FBXL17: variants seen among roughly 807,000 people sequenced by gnomAD.
The protein encoded by FBXL17 is F-box and leucine rich repeat protein 17, also known as F-box/LRR-repeat protein 17.
A neutral mutation model predicts 66.2 loss-of-function variants in FBXL17; 22 were observed. The ratio of observed to expected loss-of-function variants is 0.33; its 90% CI spans 0.24 to 0.47. The LOEUF is 0.47. Among genes scored for constraint, FBXL17 ranks in the 20% least tolerant of loss-of-function variants. FBXL17 has a pLI of 1.00. For synonymous variants in FBXL17, 474 were observed against 400.5 expected (o/e 1.18, Z -2.19); for missense variants, 878 against 948.2 (o/e 0.93, Z 0.97).
At chr5:107,976,381 G>C (rs1277339437) in intron 7 of FBXL17, among the ~76,000 whole-genome samples, 1 of 152,158 alleles carries the variant, frequency 6.6e-6, no homozygotes, top group African/African-American at 2.4e-5. Flanking sequence ...ATAATATTCA[G>C]TCAACAAAGA....
At chr5:108,337,708 TAA>T (rs70996991) in intron 4 of FBXL17, among the ~76,000 whole-genome samples, 30 of 142,314 alleles carry the variant, frequency 2.1e-4, no homozygotes, top group African/African-American at 7.5e-4. Context: ...GTACAAAAAG[TAA>T]AAAAAAAAAA....
chr5:108,126,671 A>C (rs1412702623), intron 6 of FBXL17, among the ~76,000 whole-genome samples: 19 of 125,084 alleles, frequency 1.5e-4, no homozygotes, highest in African/African-American at 2.4e-4. Context: ...ATACATATAT[A>C]TATATATATA....
chr5:107,913,867 A>G (rs1343616912), intron 7 of FBXL17, among the ~76,000 whole-genome samples: 1 of 152,148 alleles, frequency 6.6e-6, no homozygotes, highest in Non-Finnish European at 1.5e-5. Context: ...TGTGAAAAAC[A>G]GTACAAGAGC....
intron 8 of FBXL17, among the ~76,000 whole-genome samples, chr5:107,873,946 C>T (rs1381006335): frequency 6.6e-6 from 1 of 151,794 alleles, no homozygotes; most frequent in Non-Finnish European, 1.5e-5. Flanking sequence ...AATCCCATAA[C>T]AGAGGCCAGC....
At chr5:108,206,825 T>C (rs746520940) in intron 5 of FBXL17, among the ~76,000 whole-genome samples, 1 of 152,174 alleles carries the variant, frequency 6.6e-6, no homozygotes, top group Non-Finnish European at 1.5e-5. Flanking sequence ...AAAGCTGCTA[T>C]ATGGATCCAT....
intron 7 of FBXL17, among the ~76,000 whole-genome samples, chr5:107,884,504 AC>A (rs1748896104): frequency 6.6e-6 from 1 of 152,186 alleles, no homozygotes; most frequent in Non-Finnish European, 1.5e-5. Flanking sequence ...ATTTCTCTTT[AC>A]CACTCAGGTA....
chr5:108,012,971 A>G (rs1268280936), intron 7 of FBXL17, among the ~76,000 whole-genome samples: 2 of 145,570 alleles, frequency 1.4e-5, no homozygotes, highest in Non-Finnish European at 3.0e-5. Context: ...CCAAGATCGC[A>G]CCATTGCATT....
At chr5:107,941,126 A>G (rs939422682) in intron 7 of FBXL17, among the ~76,000 whole-genome samples, 8 of 152,078 alleles carry the variant, frequency 5.3e-5, no homozygotes, top group Admixed American at 5.2e-4. Context: ...TGAAAAAAAA[A>G]AAACCCCACA....
chr5:108,052,742 A>T (rs1747532968), intron 6 of FBXL17, among the ~76,000 whole-genome samples: 1 of 152,222 alleles, frequency 6.6e-6, no homozygotes, highest in South Asian at 2.1e-4. Flanking sequence ...TAGCCAAGAC[A>T]ATCCTAAGCA....
At chr5:108,330,725 C>A (rs913517383) in intron 4 of FBXL17, among the ~76,000 whole-genome samples, 1 of 152,032 alleles carries the variant, frequency 6.6e-6, no homozygotes, top group Non-Finnish European at 1.5e-5. Context: ...GGTACACACA[C>A]ATCATCACAC....
intron 7 of FBXL17, among the ~76,000 whole-genome samples, chr5:107,916,944 G>A (rs1750152242): frequency 6.6e-6 from 1 of 152,142 alleles, no homozygotes; most frequent in Non-Finnish European, 1.5e-5. Context: ...TATGATCAAA[G>A]GTGTATCGCT....
At chr5:108,291,078 C>T (rs1169051429) in intron 4 of FBXL17, among the ~76,000 whole-genome samples, 1 of 152,176 alleles carries the variant, frequency 6.6e-6, no homozygotes, top group East Asian at 1.9e-4. Context: ...AAAACCTACA[C>T]TCATGTATAT....
chr5:108,035,214 G>T, intron 6 of FBXL17, among the ~76,000 whole-genome samples: 1 of 152,124 alleles, frequency 6.6e-6, no homozygotes, highest in Non-Finnish European at 1.5e-5. Context: ...TTGCAAAGGA[G>T]AATAAATGCA....
At chr5:108,284,884 A>G (rs774049110) in intron 4 of FBXL17, among the ~76,000 whole-genome samples, 1 of 151,836 alleles carries the variant, frequency 6.6e-6, no homozygotes, top group Admixed American at 6.6e-5. Flanking sequence ...TGATGTATCA[A>G]TGAACTCTTC....
intron 6 of FBXL17, among the ~76,000 whole-genome samples, chr5:108,112,703 CAAG>C (rs914875846): frequency 1.3e-5 from 2 of 151,878 alleles, no homozygotes; most frequent in African/African-American, 2.4e-5. Flanking sequence ...TATTACTGCT[CAAG>C]AAGGAGAAGG....
At chr5:108,069,655 G>A (rs1748254647) in intron 6 of FBXL17, among the ~76,000 whole-genome samples, 1 of 152,146 alleles carries the variant, frequency 6.6e-6, no homozygotes, top group Admixed American at 6.5e-5. Context: ...AGGGAAGAAA[G>A]GAAAATTTTC....
intron 4 of FBXL17, among the ~76,000 whole-genome samples, chr5:108,257,474 G>C (rs1391940632): frequency 2.6e-5 from 4 of 152,158 alleles, no homozygotes; most frequent in Non-Finnish European, 5.9e-5. Context: ...GAACAAATGA[G>C]CGAGAGTCAT....
intron 7 of FBXL17, among the ~76,000 whole-genome samples, chr5:107,904,374 A>G (rs181668707): frequency 8.2e-4 from 124 of 152,118 alleles, no homozygotes; most frequent in Non-Finnish European, 1.0e-3. Flanking sequence ...CTCCAACCCC[A>G]CTGACTCTGC....
intron 5 of FBXL17, among the ~76,000 whole-genome samples, chr5:108,193,744 T>C (rs944652931): frequency 3.3e-5 from 5 of 152,106 alleles, no homozygotes; most frequent in African/African-American, 2.4e-5. Flanking sequence ...ACTATGAAAA[T>C]AGGACTTACA....
Sources: allele counts gnomAD v4.1 joint callset (sites outside exome capture counted in the v4.1 genomes callset), GRCh38; gene constraint gnomAD v4.1.1; transcripts MANE v1.5; gene names NCBI Gene and HGNC (gene_info 2026-07-23, HGNC 2026-07-21).